Variants in CXADR observed in about 807,000 individuals in gnomAD.
CXADR encodes the protein coxsackievirus and adenovirus receptor.
Under a neutral mutation model 40.3 loss-of-function variants are expected in CXADR, and 20 were observed. That is an observed-to-expected ratio of 0.50 (90% confidence interval 0.35 to 0.72). The LOEUF (loss-of-function observed/expected upper bound fraction) is 0.72, where lower values mean the gene tolerates loss of function less well. Among genes scored for constraint, CXADR ranks in the 30% least tolerant of loss-of-function variants. The pLI is 0.01. For missense variants in CXADR, 332 were observed against 449.1 expected (o/e 0.74, Z 2.36); for synonymous variants, 150 against 161.3 (o/e 0.93, Z 0.53).
chr21:17,598,631 T>G, the CXADR span: 3 of 1,613,992 alleles, frequency 1.9e-6, no homozygotes, highest in Admixed American at 5.0e-5. Flanking sequence ...TACACAGGAC[T>G]TGCGGCTGCA....
intron 1 of CXADR, chr21:17,541,980 A>T: frequency 2.9e-6 from 1 of 342,320 alleles, no homozygotes; most frequent in South Asian, 2.4e-5. Flanking sequence ...TTCTCATCAT[A>T]GCTTTCAGCA....
At chr21:17,593,247 C>T in exon 8 of CXADR, 2 of 1,346,420 alleles carry the variant, frequency 1.5e-6, no homozygotes, top group Non-Finnish European at 1.9e-6. Context: ...TATTTTAGGC[C>T]TCTAGTAAAG....
intron 3 of CXADR, among the ~76,000 whole-genome samples, chr21:17,554,321 C>A (rs1356652423): frequency 2.0e-5 from 3 of 152,142 alleles, no homozygotes; most frequent in African/African-American, 7.2e-5. Context: ...GCTCAGTTCA[C>A]TCATGGCAGG....
the CXADR span, among the ~76,000 whole-genome samples, chr21:17,609,795 T>A: frequency 6.6e-6 from 1 of 152,184 alleles, no homozygotes; most frequent in African/African-American, 2.4e-5. Context: ...AATACTGTGT[T>A]ATACACACGT....
chr21:17,530,897 G>A (rs1245814815), intron 1 of CXADR, among the ~76,000 whole-genome samples: 1 of 152,168 alleles, frequency 6.6e-6, no homozygotes, highest in African/African-American at 2.4e-5. Flanking sequence ...CCCTATCAAT[G>A]GAATTTCTGA....
intron 6 of CXADR, among the ~76,000 whole-genome samples, chr21:17,565,050 G>A (rs2061184322): frequency 6.6e-6 from 1 of 152,116 alleles, no homozygotes; most frequent in African/African-American, 2.4e-5. Context: ...AGGTGTTAGT[G>A]TTTTCTCAAC....
intron 1 of CXADR, among the ~76,000 whole-genome samples, chr21:17,533,894 A>G (rs1163070651): frequency 6.6e-6 from 1 of 151,054 alleles, no homozygotes; most frequent in African/African-American, 2.4e-5. Context: ...CTTAGCTCTG[A>G]GTACATATTA....
chr21:17,555,644 A>G (rs1459577902), intron 3 of CXADR, among the ~76,000 whole-genome samples: 4 of 152,040 alleles, frequency 2.6e-5, no homozygotes, highest in Non-Finnish European at 1.5e-5. Flanking sequence ...TCCTCCAGTC[A>G]CGTCTGGGGG....
intron 1 of CXADR, chr21:17,542,101 G>C (rs2060837719): frequency 2.0e-5 from 6 of 295,168 alleles, no homozygotes; most frequent in South Asian, 1.8e-4. Flanking sequence ...CATAGCTTTT[G>C]TGTTTTTCTG....
chr21:17,608,177 G>A, the CXADR span, among the ~76,000 whole-genome samples: 1 of 152,068 alleles, frequency 6.6e-6, no homozygotes, highest in Non-Finnish European at 1.5e-5. Context: ...ACTCACCTGG[G>A]TAACACAGCA....
chr21:17,617,434 C>T, the CXADR span, among the ~76,000 whole-genome samples: 1 of 152,248 alleles, frequency 6.6e-6, no homozygotes, highest in East Asian at 1.9e-4. Flanking sequence ...GCGAGCACAA[C>T]TCCTATCTTT....
chr21:17,579,386 G>A (rs990272807), intron 7 of CXADR, among the ~76,000 whole-genome samples: 4 of 151,838 alleles, frequency 2.6e-5, no homozygotes, highest in African/African-American at 7.3e-5. Flanking sequence ...CCAGGTTCAA[G>A]CGATTCTCCT....
chr21:17,605,699 G>A, the CXADR span, among the ~76,000 whole-genome samples: 66 of 151,998 alleles, frequency 4.3e-4, no homozygotes, highest in African/African-American at 1.5e-3. Flanking sequence ...CCTATTATAC[G>A]ACATCTACCT....
At chr21:17,604,749 A>T in the CXADR span, 1 of 1,325,794 alleles carries the variant, frequency 7.5e-7, no homozygotes, top group Non-Finnish European at 1.0e-6. Flanking sequence ...TGAGAGAGTT[A>T]AACCACCAGC....
intron 7 of CXADR, among the ~76,000 whole-genome samples, chr21:17,591,666 A>G (rs924702198): frequency 6.6e-6 from 1 of 152,012 alleles, no homozygotes; most frequent in African/African-American, 2.4e-5. Flanking sequence ...TATGCCTACA[A>G]ATACAAAAAT....
intron 2 of CXADR, among the ~76,000 whole-genome samples, chr21:17,550,850 C>A (rs1157181681): frequency 6.6e-6 from 1 of 152,160 alleles, no homozygotes; most frequent in Non-Finnish European, 1.5e-5. Context: ...GCTTTAGTTA[C>A]AGAAGATTCA....
rs1415417943 is a variant in CXADR, at chr21:17,518,809, T to C, written c.43+5637T>C. On this transcript the variant is annotated intron_variant, in intron 1 of 6. Coordinates refer to ENST00000284878, the MANE Select transcript of CXADR (RefSeq NM_001338.5). ...ATTGTTGAAGTGAATAACTGTCCCA[T>C]CATCTTTAATCATGTTCATCTCTTC... 7.0e-6 allele frequency: 11 copies of C among 1,565,944 alleles called. No homozygotes were observed. The African/African-American group carries it at 1.5e-4, about 21-fold the overall frequency.
At chr21:17,576,810 G>T (rs1202292133) in intron 7 of CXADR, 2 of 152,146 alleles carry the variant, frequency 1.3e-5, no homozygotes, top group Non-Finnish European at 2.9e-5. Context: ...CAGTTCCAAA[G>T]ATAGTGAGTT....
At chr21:17,560,980 A>T (rs1455083540) in intron 5 of CXADR, among the ~76,000 whole-genome samples, 156 bp downstream of exon 5, 1 of 152,230 alleles carries the variant, frequency 6.6e-6, no homozygotes, top group African/African-American at 2.4e-5. Flanking sequence ...AATACATTTT[A>T]TTAAAAAAAC....
Sources: gnomAD v4.1 joint callset for allele counts (sites outside exome capture counted in the v4.1 genomes callset) on GRCh38, gnomAD v4.1.1 for gene constraint, MANE v1.5 for transcripts, NCBI Gene and HGNC (gene_info 2026-07-23, HGNC 2026-07-21) for gene names.